SHLD1: variants seen among roughly 807,000 people sequenced by gnomAD.
The protein encoded by SHLD1 is shieldin complex subunit 1.
A neutral mutation model predicts 5.5 loss-of-function variants in SHLD1; 3 were observed. That is an observed-to-expected ratio of 0.54 (90% CI 0.25 to 1.40). The LOEUF (loss-of-function observed/expected upper bound fraction) is 1.40, where lower values mean the gene tolerates loss of function less well. Ranked by LOEUF, SHLD1 falls within the 40% of genes most tolerant of loss-of-function variation. SHLD1 has a pLI of 0.15. For synonymous variants in SHLD1, 92 were observed against 94.3 expected (o/e 0.98, Z 0.14); for missense variants, 210 against 244.4 (o/e 0.86, Z 0.94).
chr20:5,821,922 C>A (rs1568519618), intron 2 of SHLD1, among the ~76,000 whole-genome samples: 2 of 152,138 alleles, frequency 1.3e-5, no homozygotes, highest in East Asian at 1.9e-4. Flanking sequence ...TCATCTCAGA[C>A]ATGATGGGCC....
chr20:5,824,528 A>G (rs531201413), intron 2 of SHLD1, among the ~76,000 whole-genome samples: 1 of 152,134 alleles, frequency 6.6e-6, no homozygotes, highest in Non-Finnish European at 1.5e-5. Flanking sequence ...TAAGCCTGGC[A>G]TACAGTAGCT....
rs374759365 is a variant in SHLD1, at chr20:5,855,659, G to A, written c.179-7365G>A. Among the ~76,000 whole-genome samples the A allele has an allele frequency of 1.9e-4, 29 of 152,096 alleles. No homozygotes were observed. Among genetic ancestry groups the A allele is most frequent in the Non-Finnish European group, 3.7e-4 (25 of 68,008 alleles). ...AGTGCTGGGATTATAGACATGAGCC[G>A]CCGCACCTGGCCTGCCAACCACATT... On this transcript the variant is annotated intron_variant, in intron 2 of 2. Transcript: ENST00000303142. The surrounding 1 kb of genome is among the most constrained non-coding windows in gnomAD (Gnocchi z 4.4).
rs766327106 is a variant in SHLD1 at position 5,764,126 on chromosome 20, C to CA, written c.-4-8722dup. On this transcript the variant is annotated intron_variant, in intron 1 of 2. Transcript: ENST00000303142. ...TGGGTGACAGAGCAAGGCTCTGTCT[C>CA]AAAAAAAAAAAAAATATATATATAT... Among the ~76,000 whole-genome samples the CA allele has an allele frequency of 7.0e-3, 371 of 53,220 alleles. 9 individuals are homozygous for CA. Among genetic ancestry groups the CA allele is most frequent in the African/African-American group, 0.025 (317 of 12,816 alleles). 34.9% of individuals were successfully genotyped at this position (53,220 alleles called of 152,430 possible).
At chr20:5,836,556 T>G (rs1462409827) in intron 2 of SHLD1, among the ~76,000 whole-genome samples, 2 of 152,232 alleles carry the variant, frequency 1.3e-5, no homozygotes, top group Admixed American at 6.5e-5. Context: ...CCTTTGCCAT[T>G]TCCTCTGCCT....
chr20:5,750,239 A>G (rs1983646217), upstream of SHLD1, among the ~76,000 whole-genome samples: 1 of 152,104 alleles, frequency 6.6e-6, no homozygotes, highest in Non-Finnish European at 1.5e-5. Flanking sequence ...GAAATTGCCC[A>G]AAATAGCCAC....
intron 2 of SHLD1, among the ~76,000 whole-genome samples, chr20:5,813,746 T>C (rs1433605966): frequency 6.6e-6 from 1 of 152,128 alleles, no homozygotes; most frequent in Non-Finnish European, 1.5e-5. Context: ...AATTCTCTGA[T>C]GAAGTGCCTC....
intron 2 of SHLD1, among the ~76,000 whole-genome samples, chr20:5,839,467 A>T (rs1445250342): frequency 2.0e-5 from 3 of 148,766 alleles, no homozygotes; most frequent in Non-Finnish European, 3.0e-5. Flanking sequence ...GAGATGGATG[A>T]ATGGATAAAT....
intron 2 of SHLD1, among the ~76,000 whole-genome samples, chr20:5,823,609 A>G (rs1316277824): frequency 6.6e-6 from 1 of 151,496 alleles, no homozygotes. Context: ...CACCACACCC[A>G]GTTAATTTTT....
chr20:5,827,999 G>C (rs748183906), intron 2 of SHLD1, among the ~76,000 whole-genome samples: 5 of 152,216 alleles, frequency 3.3e-5, no homozygotes, highest in South Asian at 2.1e-4. Context: ...GCATTGAAAT[G>C]ACTGATGCAA....
intron 2 of SHLD1, among the ~76,000 whole-genome samples, chr20:5,822,229 G>A (rs535147868): frequency 9.2e-5 from 14 of 152,266 alleles, no homozygotes; most frequent in African/African-American, 2.4e-4. Context: ...AGCCCAAGGC[G>A]GGCAGATCAC....
At chr20:5,803,327 T>C (rs2087325055) in intron 2 of SHLD1, among the ~76,000 whole-genome samples, 1 of 152,122 alleles carries the variant, frequency 6.6e-6, no homozygotes, top group South Asian at 2.1e-4. Flanking sequence ...CATGCCTGGC[T>C]AATTTTTTAA....
At chr20:5,778,904 A>G (rs974512062) in intron 2 of SHLD1, among the ~76,000 whole-genome samples, 1 of 152,152 alleles carries the variant, frequency 6.6e-6, no homozygotes, top group Non-Finnish European at 1.5e-5. Context: ...GAAATTATCT[A>G]CAAAAGTCAG....
chr20:5,776,262 C>T (rs1985423045), intron 2 of SHLD1, among the ~76,000 whole-genome samples: 2 of 150,976 alleles, frequency 1.3e-5, no homozygotes, highest in Admixed American at 6.6e-5. Flanking sequence ...ATCACAAATA[C>T]CATACACTGG....
intron 2 of SHLD1, among the ~76,000 whole-genome samples, chr20:5,780,105 A>G (rs565973210): frequency 2.0e-5 from 3 of 147,858 alleles, no homozygotes; most frequent in African/African-American, 7.5e-5. Context: ...CAGCCTCCCT[A>G]GTAGCTGGGA....
At chr20:5,834,656 G>A (rs2087769017) in intron 2 of SHLD1, among the ~76,000 whole-genome samples, 2 of 152,164 alleles carry the variant, frequency 1.3e-5, no homozygotes, top group Admixed American at 6.5e-5. Context: ...GTTGTGCAAA[G>A]GTCTTTGGTA....
chr20:5,775,817 G>A (rs1484533291), intron 2 of SHLD1, among the ~76,000 whole-genome samples: 1 of 152,002 alleles, frequency 6.6e-6, no homozygotes, highest in Non-Finnish European at 1.5e-5. Context: ...GTTGTACAAG[G>A]TAGTGCATGA....
chr20:5,790,203 C>A (rs2087119243), intron 2 of SHLD1, among the ~76,000 whole-genome samples: 1 of 152,126 alleles, frequency 6.6e-6, no homozygotes, highest in African/African-American at 2.4e-5. Context: ...ACAGCCCAAC[C>A]CAGGGACCTT....
chr20:5,830,622 AG>A (rs553324040), intron 2 of SHLD1, among the ~76,000 whole-genome samples: 106 of 151,230 alleles, frequency 7.0e-4, no homozygotes, highest in African/African-American at 2.5e-3. Context: ...CAGGAGGCAG[AG>A]GTTGCAGTGA....
intron 2 of SHLD1, among the ~76,000 whole-genome samples, chr20:5,837,975 G>A (rs1290513718): frequency 1.3e-5 from 2 of 152,194 alleles, no homozygotes; most frequent in East Asian, 3.9e-4. Flanking sequence ...AAACAAAGCA[G>A]GCAAAGACGG....
Sources: allele counts gnomAD v4.1 joint callset (sites outside exome capture counted in the v4.1 genomes callset), GRCh38; gene constraint gnomAD v4.1.1; non-coding constraint Gnocchi (gnomAD v3.1); transcripts MANE v1.5; gene names NCBI Gene and HGNC (gene_info 2026-07-23, HGNC 2026-07-21).